The following NAT8L variants were observed in gnomAD, a reference collection of about 807,000 sequenced individuals.
NAT8L encodes the protein aspartate N-acetyltransferase, also known as N-acetylaspartate synthetase.
In NAT8L, 6 loss-of-function variants were observed where a neutral mutation model predicts 21.2. The observed-to-expected ratio is 0.28, with a 90% confidence interval of 0.16 to 0.56. The LOEUF is 0.56. Among genes scored for constraint, NAT8L ranks in the 20% least tolerant of loss-of-function variants. The pLI, the probability that NAT8L is intolerant of heterozygous loss-of-function variation, is 0.93. For synonymous variants in NAT8L, 239 were observed against 204.9 expected (o/e 1.17, Z -1.42); for missense variants, 331 against 433.3 (o/e 0.76, Z 2.10).
Position 2,064,062 on chromosome 4 carries a change from C to G in NAT8L, c.844C>G (p.Leu282Val). The G allele has an allele frequency of 6.2e-7, 1 of 1,609,962 alleles. No homozygotes were observed. The highest frequency in any genetic ancestry group is 1.3e-5 in the African/African-American group (1 of 75,034). Residue 282 changes from leucine (L) to valine (V), a missense_variant, in exon 3 of 3, where the codon CTG (leucine) becomes GTG (valine). Around this residue, in one of 2 missense-constraint regions of NAT8L, gnomAD observed 132 missense variants for 237.1 expected, o/e 0.56. Transcript: ENST00000423729. ...HYVLPGMTLS[L>V]AERLFFQVRY... The stretch of plus-strand genomic sequence containing the variant: ...CGTGCTGCCGGGCATGACCCTCTCG[C>G]TGGCTGAGCGCCTCTTCTTCCAGGT...
intron 2 of NAT8L, 77 bp from the exon 3 acceptor site, chr4:2,063,683 C>T: frequency 6.3e-7 from 1 of 1,597,708 alleles, no homozygotes; most frequent in Non-Finnish European, 8.5e-7. Context: ...GTGCCAAGGG[C>T]CCTGTCTCAC....
Position 2,059,541 on chromosome 4 carries a change from C to T in NAT8L, c.30C>T (p.Cys10=). The part of the protein sequence containing the change: MHCGPPDMV[C]ETKIVAAEDH... The stretch of plus-strand genomic sequence containing the variant: ...ATTGTGGGCCTCCCGACATGGTCTG[C>T]GAGACGAAGATCGTGGCCGCCGAGG... Residue 10 remains cysteine, a synonymous_variant, in exon 1 of 3, where the codon TGC becomes TGT. Transcript: ENST00000423729. This position sits in a 1 kb window ranked among gnomAD's most constrained non-coding sequence, Gnocchi z 4.8. 1.0e-6 allele frequency: 1 copy of T among 1,002,438 alleles called. No homozygotes were observed. The highest frequency in any genetic ancestry group is 1.2e-6 in the Non-Finnish European group (1 of 840,082). The allele number at this position is 1,002,438 out of a possible 1,614,324, so 62.1% of individuals were successfully genotyped here. A position where few individuals can be genotyped will look rare whatever the true frequency, so the allele number is the denominator to read the frequency against.
chr4:2,063,931 T>C lies in NAT8L; in HGVS notation c.713T>C (p.Val238Ala), dbSNP rs143685504. The C allele has an allele frequency of 1.9e-4, 308 of 1,612,044 alleles. No homozygotes were observed. Among genetic ancestry groups the C allele is most frequent in the Non-Finnish European group, 2.4e-4 (287 of 1,179,852 alleles). Residue 238 changes from valine to alanine, a missense_variant, in exon 3 of 3, where the codon GTG becomes GCG. Physicochemically the swap from Val to Ala is moderately conservative, Grantham distance 64. Transcript: ENST00000423729. Reference protein sequence around the residue: ...LGRKVLEFAVVHNYSAVVLGT... With the variant: ...LGRKVLEFAVAHNYSAVVLGT... ...CGGAAGGTGCTGGAGTTCGCCGTGG[T>C]GCACAACTACTCCGCGGTGGTGCTG...
At position 2,064,070 on chromosome 4, in the gene NAT8L, G is replaced by A. The variant is rs1478531096; in HGVS notation, c.852G>A (p.Glu284=). The A allele has an allele frequency of 1.9e-5, 31 of 1,609,084 alleles. No homozygotes were observed. Among genetic ancestry groups the A allele is most frequent in the Non-Finnish European group, 2.5e-5 (30 of 1,179,194 alleles). ...VLPGMTLSLA[E]RLFFQVRYHR... is the part of the protein sequence containing the mutation. ...CGGGCATGACCCTCTCGCTGGCTGA[G>A]CGCCTCTTCTTCCAGGTCCGCTACC... Residue 284 remains glutamate, a synonymous_variant, in exon 3 of 3, where the codon GAG becomes GAA. Coordinates refer to ENST00000423729, the MANE Select transcript of NAT8L (RefSeq NM_178557.4).
chr4:2,060,958 G>A lies in NAT8L; in HGVS notation c.377-40G>A, dbSNP rs1336617133. 6.3e-5 allele frequency: 79 copies of A among 1,244,160 alleles called. No individual in the cohort carries two copies. Among genetic ancestry groups the A allele is most frequent in the South Asian group, 1.9e-4 (13 of 69,906 alleles). 77.1% of individuals were successfully genotyped at this position (1,244,160 alleles called of 1,614,324 possible). On this transcript the variant is annotated intron_variant, in intron 1 of 2. Transcript: ENST00000423729. The surrounding 1 kb of genome is among the most constrained non-coding windows in gnomAD (Gnocchi z 4.7). ...CGGGGTGGCGTCTCTGGGGCCTGGG[G>A]ACCCCCGCCGCGCCGCTGACCCGCG...
At position 2,060,433 on chromosome 4, in the gene NAT8L, TGAGGCCGCGTAGG is replaced by T. The variant is rs1244042808; in HGVS notation, c.376+551_377-548del. On this transcript the variant is annotated intron_variant, in intron 1 of 2. Transcript: ENST00000423729. This position sits in a 1 kb window ranked among gnomAD's most constrained non-coding sequence, Gnocchi z 4.7. ...GCTCCCATTTTACAGATGAGGCGCT[TGAGGCCGCGTAGG>T]GAGGACGCGACTCCCCCAAGGTCAC... Among the ~76,000 whole-genome samples, 8 of 152,094 alleles carry T rather than the reference TGAGGCCGCGTAGG, an allele frequency of 5.3e-5. No individual in the cohort carries two copies. The highest frequency in any genetic ancestry group is 3.3e-4 in the Admixed American group (5 of 15,280).
Position 2,059,554 on chromosome 4 carries a change from G to T in NAT8L, c.43G>T (p.Val15Leu), listed in dbSNP as rs952269053. ...CGACATGGTCTGCGAGACGAAGATC[G>T]TGGCCGCCGAGGACCATGAGGCGCT... is the stretch of plus-strand genomic sequence containing the variant. ...PPDMVCETKIVAAEDHEALPG... is the reference protein window; with the variant it reads ...PPDMVCETKILAAEDHEALPG... The change falls in exon 1 of 3, where the codon GTG becomes TTG. Residue 15 changes from valine (V) to leucine (L), a missense_variant. Transcript: ENST00000423729. This position sits in a 1 kb window ranked among gnomAD's most constrained non-coding sequence, Gnocchi z 4.8. 6 of 1,000,798 alleles carry T rather than the reference G, an allele frequency of 6.0e-6. No individual in the cohort carries two copies. Among genetic ancestry groups the T allele is most frequent in the Non-Finnish European group, 7.2e-6 (6 of 839,152 alleles). The allele number at this position is 1,000,798 out of a possible 1,614,324, so 62.0% of individuals were successfully genotyped here. A position where few individuals can be genotyped will look rare whatever the true frequency, so the allele number is the denominator to read the frequency against.
chr4:2,062,564 C>T (rs896601659), intron 2 of NAT8L, among the ~76,000 whole-genome samples: 1 of 152,078 alleles, frequency 6.6e-6, no homozygotes, highest in African/African-American at 2.4e-5. Flanking sequence ...CTGCACAAAG[C>T]TTGGAGGGCC....
In NAT8L at chr4:2,061,171, C is replaced by T. The variant is rs751967889; in HGVS notation, c.541+9C>T. The T allele has an allele frequency of 3.1e-6, 5 of 1,601,000 alleles. No individual in the cohort carries two copies. The South Asian group carries it at 4.4e-5, about 14-fold the overall frequency. On this transcript the variant is annotated intron_variant, in intron 2 of 2. Transcript: ENST00000423729. ...CTACATGAAGCCGCCCGGTGAGTCC[C>T]GCTCCCGCCGCTCCCCGACCTCCGC...
In NAT8L at chr4:2,059,462, C is replaced by CCCG. The variant is rs889289818; in HGVS notation, c.-41_-39dup. On this transcript the variant is annotated 5_prime_UTR_variant, in exon 1 of 3. Coordinates refer to ENST00000423729, the MANE Select transcript of NAT8L (RefSeq NM_178557.4). This position sits in a 1 kb window ranked among gnomAD's most constrained non-coding sequence, Gnocchi z 4.8. ...CGCCCTTGCCCTGGGCCCGGCCGTGCCCGCCGCCGCCCGGCCGCGTCCCCG... is the reference window on the plus strand; with the variant it reads ...CGCCCTTGCCCTGGGCCCGGCCGTGCCCGCCGCCGCCGCCCGGCCGCGTCCCCG... 2.2e-6 allele frequency: 2 copies of CCCG among 906,806 alleles called. No individual in the cohort carries two copies. The highest frequency in any genetic ancestry group is 3.7e-5 in the African/African-American group (2 of 54,608). 56.2% of individuals were successfully genotyped at this position (906,806 alleles called of 1,614,324 possible).
intron 2 of NAT8L, among the ~76,000 whole-genome samples, chr4:2,061,694 G>A (rs779641205): frequency 4.6e-5 from 7 of 152,148 alleles, no homozygotes; most frequent in Non-Finnish European, 1.0e-4. Context: ...TGGAGGAGCT[G>A]GGTCTGGGCT....
chr4:2,060,555 G>T lies in NAT8L; in HGVS notation c.377-443G>T, dbSNP rs1206713019. Among the ~76,000 whole-genome samples, 1 of 152,172 alleles carries T rather than the reference G, an allele frequency of 6.6e-6. No individual in the cohort carries two copies. Among genetic ancestry groups the T allele is most frequent in the African/African-American group, 2.4e-5 (1 of 41,448 alleles). On this transcript the variant is annotated intron_variant, in intron 1 of 2. Transcript: ENST00000423729. The surrounding 1 kb of genome is among the most constrained non-coding windows in gnomAD (Gnocchi z 4.7). ...GAGCTCCCGGACGCTGGCCAGGAAG[G>T]GCTCTTGCTGGGGCCCTGGGAAGAG... is the stretch of plus-strand genomic sequence containing the variant.
At position 2,060,203 on chromosome 4, in the gene NAT8L, C is replaced by G. The variant is rs1729826195; in HGVS notation, c.376+316C>G. Reference sequence around the variant, plus strand: ...GGGTGCCAGGGCAGGTAGCGCCCGCCGCGGCTGGGCCCCGGCGAGTGCCTA... The same window carrying G: ...GGGTGCCAGGGCAGGTAGCGCCCGCGGCGGCTGGGCCCCGGCGAGTGCCTA... On this transcript the variant is annotated intron_variant, in intron 1 of 2. Coordinates refer to ENST00000423729, the MANE Select transcript of NAT8L (RefSeq NM_178557.4). This position sits in a 1 kb window ranked among gnomAD's most constrained non-coding sequence, Gnocchi z 4.7. Among the ~76,000 whole-genome samples the G allele has an allele frequency of 6.6e-6, 1 of 152,124 alleles. No individual in the cohort carries two copies. The highest frequency in any genetic ancestry group is 2.1e-4 in the South Asian group (1 of 4,826).
Position 2,064,174 on chromosome 4 carries a change from TGCCCGCCTGCCCGCC to T in NAT8L, c.*53_*67del. 8.3e-7 allele frequency: 1 copy of T among 1,204,880 alleles called. No homozygotes were observed. The highest frequency in any genetic ancestry group is 1.0e-6 in the Non-Finnish European group (1 of 963,348). 74.6% of individuals were successfully genotyped at this position (1,204,880 alleles called of 1,614,324 possible). A position where few individuals can be genotyped will look rare whatever the true frequency, so the allele number is the denominator to read the frequency against. Reference sequence around the variant, plus strand: ...CCCCCCCGGCCGCCCTGTCCGCCTTTGCCCGCCTGCCCGCCGCCCGGCGCGGCCTGCTTTCAGACG... The same window carrying T: ...CCCCCCCGGCCGCCCTGTCCGCCTTTGCCCGGCGCGGCCTGCTTTCAGACG... On this transcript the variant is annotated 3_prime_UTR_variant, in exon 3 of 3. Transcript: ENST00000423729.
chr4:2,062,420 G>C (rs1729911013), intron 2 of NAT8L, among the ~76,000 whole-genome samples: 1 of 152,048 alleles, frequency 6.6e-6, no homozygotes, highest in African/African-American at 2.4e-5. Flanking sequence ...TGGTGGGAGG[G>C]ATACTGGTCC....
chr4:2,064,201 CCTG>C lies in NAT8L; in HGVS notation c.*77_*79del. 1 of 1,072,254 alleles carries C rather than the reference CCTG, an allele frequency of 9.3e-7. No homozygotes were observed. The highest frequency in any genetic ancestry group is 1.2e-6 in the Non-Finnish European group (1 of 861,096). The allele number at this position is 1,072,254 out of a possible 1,614,324, so 66.4% of individuals were successfully genotyped here. On this transcript the variant is annotated 3_prime_UTR_variant, in exon 3 of 3. Coordinates refer to ENST00000423729, the MANE Select transcript of NAT8L (RefSeq NM_178557.4). Reference sequence around the variant, plus strand: ...CCCGCCTGCCCGCCGCCCGGCGCGGCCTGCTTTCAGACGCTCAATTGGCGTTTG... The same window carrying C: ...CCCGCCTGCCCGCCGCCCGGCGCGGCCTTTCAGACGCTCAATTGGCGTTTG...
rs1393476973 is a variant in NAT8L at position 2,066,253 on chromosome 4, C to G, written c.*2126C>G. 6.6e-6 allele frequency: 1 copy of G among 152,280 alleles called. No homozygotes were observed. Among genetic ancestry groups the G allele is most frequent in the African/African-American group, 2.4e-5 (1 of 41,444 alleles). 9.4% of individuals were successfully genotyped at this position (152,280 alleles called of 1,614,324 possible). A position where few individuals can be genotyped will look rare whatever the true frequency, so the allele number is the denominator to read the frequency against. On this transcript the variant is annotated 3_prime_UTR_variant, in exon 3 of 3. Coordinates refer to ENST00000423729, the MANE Select transcript of NAT8L (RefSeq NM_178557.4). Reference sequence around the variant, plus strand: ...CTGGGCAGTGTGGCCTTCTCTCATTCTGGTGGCATCTGCGCCCGTGAGTGA... The same window carrying G: ...CTGGGCAGTGTGGCCTTCTCTCATTGTGGTGGCATCTGCGCCCGTGAGTGA...
rs1012294390 is a variant in NAT8L at position 2,067,555 on chromosome 4, C to G, written c.*3428C>G. On this transcript the variant is annotated 3_prime_UTR_variant, in exon 3 of 3. Coordinates refer to ENST00000423729, the MANE Select transcript of NAT8L (RefSeq NM_178557.4). ...CTCTCTGGGCCATAGGGACCTGGCT[C>G]CCCTCTGAGAGGCCCGCCTGCCCTG... 6.6e-6 allele frequency: 1 copy of G among 152,312 alleles called. No individual in the cohort carries two copies. Among genetic ancestry groups the G allele is most frequent in the Non-Finnish European group, 1.5e-5 (1 of 68,098 alleles). 9.4% of individuals were successfully genotyped at this position (152,312 alleles called of 1,614,324 possible). A position where few individuals can be genotyped will look rare whatever the true frequency, so the allele number is the denominator to read the frequency against.
At position 2,060,817 on chromosome 4, in the gene NAT8L, G is replaced by C. The variant is rs939044274; in HGVS notation, c.377-181G>C. 6.6e-6 allele frequency among the ~76,000 whole-genome samples: 1 copy of C among 152,166 alleles called. No individual in the cohort carries two copies. Among genetic ancestry groups the C allele is most frequent in the Non-Finnish European group, 1.5e-5 (1 of 68,012 alleles). On this transcript the variant is annotated intron_variant, in intron 1 of 2. Coordinates refer to ENST00000423729, the MANE Select transcript of NAT8L (RefSeq NM_178557.4). This position sits in a 1 kb window ranked among gnomAD's most constrained non-coding sequence, Gnocchi z 4.7. ...CATTCCAGGCGGTGGGGGTGGGTGG[G>C]GTGGCTGTCTTCACCGCAGGAAGCT... is the stretch of plus-strand genomic sequence containing the variant.
Sources: allele counts gnomAD v4.1 joint callset (sites outside exome capture counted in the v4.1 genomes callset), GRCh38; gene constraint gnomAD v4.1.1; regional missense constraint gnomAD v4.1.1; non-coding constraint Gnocchi (gnomAD v3.1); transcripts MANE v1.5; gene names NCBI Gene and HGNC (gene_info 2026-07-23, HGNC 2026-07-21).